Variants in PRAC2 observed in about 807,000 individuals in gnomAD.
The protein encoded by PRAC2 is protein PRAC2.
For missense variants in PRAC2, 92 were observed against 114.5 expected, an observed-to-expected ratio of 0.80 and a Z score of 0.90; for synonymous variants, 43 against 49.5, an observed-to-expected ratio of 0.87 and a Z score of 0.55.
upstream of PRAC2, among the ~76,000 whole-genome samples, chr17:48,719,813 G>A (rs181484268): frequency 7.2e-5 from 11 of 152,300 alleles, no homozygotes; most frequent in Admixed American, 2.6e-4. Flanking sequence ...TTCCCCGGAA[G>A]GCAAGGATTG....
upstream of PRAC2, among the ~76,000 whole-genome samples, chr17:48,721,183 C>T (rs1465142099): frequency 6.6e-6 from 1 of 152,140 alleles, no homozygotes; most frequent in Non-Finnish European, 1.5e-5. Context: ...TGGTCCCCAG[C>T]CTGCTTCTGT....
At chr17:48,723,920 C>A in intron 1 of PRAC2, 2 of 593,988 alleles carry the variant, frequency 3.4e-6, no homozygotes, top group South Asian at 9.0e-5. Context: ...CTGAGAGATT[C>A]GCTGCGGGAG....
upstream of PRAC2, chr17:48,721,797 G>C: frequency 6.5e-7 from 1 of 1,537,594 alleles, no homozygotes; most frequent in Non-Finnish European, 8.8e-7. Context: ...TGGAACTCCT[G>C]TGCTCAAGGA....
chr17:48,723,629 G>A, intron 1 of PRAC2: 3 of 1,058,232 alleles, frequency 2.8e-6, no homozygotes, highest in Non-Finnish European at 3.6e-6. Context: ...TGCAGGGAAG[G>A]CGGGGCGGAT....
chr17:48,723,707 G>A (rs2038171866), intron 1 of PRAC2: 1 of 1,231,654 alleles, frequency 8.1e-7, no homozygotes, highest in African/African-American at 1.6e-5. Flanking sequence ...CCCGAAAGAT[G>A]GAGCCTCAGG....
At chr17:48,719,210 CAA>C (rs1491172706), upstream of PRAC2, among the ~76,000 whole-genome samples, 282 of 107,808 alleles carry the variant, frequency 2.6e-3, 1 homozygote, top group African/African-American at 8.4e-3. Context: ...CGCTCGCACA[CAA>C]ACACACACAC....
At chr17:48,722,283 C>G, upstream of PRAC2, 1 of 1,559,056 alleles carries the variant, frequency 6.4e-7, no homozygotes, top group South Asian at 1.1e-5. Flanking sequence ...CTGAGCGATC[C>G]GTCGATAACG....
In PRAC2 at chr17:48,724,568, G is replaced by C; in HGVS notation, c.158G>C (p.Arg53Pro). ...HLPMPWPNGRRHRVLDPHTQL... is the reference protein window; with the variant it reads ...HLPMPWPNGRPHRVLDPHTQL... ...CCGATGCCCTGGCCGAATGGCAGGC[G>C]ACATCGGGTCCTGGACCCCCACACG... The change falls in exon 2 of 2, where the codon CGA becomes CCA. Residue 53 changes from arginine to proline, a missense_variant. Coordinates refer to ENST00000422730, the MANE Select transcript of PRAC2 (RefSeq NM_001282275.2). The C allele has an allele frequency of 1.6e-6, 2 of 1,232,148 alleles. No individual in the cohort carries two copies. The highest frequency in any genetic ancestry group is 8.2e-5 in the South Asian group (2 of 24,316). 76.3% of individuals were successfully genotyped at this position (1,232,148 alleles called of 1,614,324 possible). A position where few individuals can be genotyped will look rare whatever the true frequency, so the allele number is the denominator to read the frequency against.
upstream of PRAC2, among the ~76,000 whole-genome samples, chr17:48,718,751 G>C (rs1009333654): frequency 6.6e-6 from 1 of 152,166 alleles, no homozygotes; most frequent in Non-Finnish European, 1.5e-5. Flanking sequence ...GCGAAGGCCT[G>C]GGGATCGCAA....
chr17:48,719,847 G>A (rs1017287560), upstream of PRAC2, among the ~76,000 whole-genome samples: 3 of 152,108 alleles, frequency 2.0e-5, no homozygotes, highest in Non-Finnish European at 2.9e-5. Flanking sequence ...AAAGCCGCGC[G>A]AGGCCCGGTT....
chr17:48,722,156 C>T (rs2038152078), upstream of PRAC2, among the ~76,000 whole-genome samples: 1 of 152,096 alleles, frequency 6.6e-6, no homozygotes, highest in Non-Finnish European at 1.5e-5. Flanking sequence ...TAGGTGCTCC[C>T]GCCAGGTGGT....
At chr17:48,723,660 G>T in intron 1 of PRAC2, 2 of 1,221,904 alleles carry the variant, frequency 1.6e-6, no homozygotes, top group East Asian at 3.2e-5. Flanking sequence ...CGGCGGCCTC[G>T]CAGGGTTCCC....
rs1194259452 is a variant in PRAC2 at position 48,724,568 on chromosome 17, G to A, written c.158G>A (p.Arg53Gln). 4.9e-6 allele frequency: 6 copies of A among 1,232,030 alleles called. No homozygotes were observed. The highest frequency in any genetic ancestry group is 6.1e-6 in the Non-Finnish European group (6 of 987,956). The allele number at this position is 1,232,030 out of a possible 1,614,324, so 76.3% of individuals were successfully genotyped here. ...HLPMPWPNGRRHRVLDPHTQL... is the reference protein window; with the variant it reads ...HLPMPWPNGRQHRVLDPHTQL... The stretch of plus-strand genomic sequence containing the variant: ...CCGATGCCCTGGCCGAATGGCAGGC[G>A]ACATCGGGTCCTGGACCCCCACACG... Residue 53 changes from arginine (R) to glutamine (Q), a missense_variant, in exon 2 of 2, where the codon CGA becomes CAA. By Grantham distance (43) the Arg-to-Gln change is conservative (BLOSUM62 1). Transcript: ENST00000422730.
At chr17:48,723,828 A>C in intron 1 of PRAC2, 1 of 1,159,836 alleles carries the variant, frequency 8.6e-7, no homozygotes, top group Non-Finnish European at 1.1e-6. Flanking sequence ...GGCCTAATAA[A>C]ATCCACTTGC....
At chr17:48,722,395 C>T (rs774958586), upstream of PRAC2, 7 of 1,613,934 alleles carry the variant, frequency 4.3e-6, no homozygotes, top group African/African-American at 1.3e-5. Flanking sequence ...CACAACATCG[C>T]TGTTCTCTCT....
intron 1 of PRAC2, chr17:48,723,642 T>C (rs1008251113): frequency 2.8e-5 from 33 of 1,161,556 alleles, no homozygotes; most frequent in Admixed American, 8.5e-5. Flanking sequence ...GGGCGGATTC[T>C]CGGCTGGCGG....
At chr17:48,719,476 C>T (rs2038125081), upstream of PRAC2, among the ~76,000 whole-genome samples, 1 of 152,138 alleles carries the variant, frequency 6.6e-6, no homozygotes, top group African/African-American at 2.4e-5. Flanking sequence ...AGCCAGGGAT[C>T]GGATAGCGCG....
rs1332305386 is a variant in PRAC2, at chr17:48,724,685, C to T, written c.*2C>T. The T allele has an allele frequency of 9.7e-6, 12 of 1,231,110 alleles. No homozygotes were observed. The highest frequency in any genetic ancestry group is 1.2e-5 in the Non-Finnish European group (12 of 987,142). 76.3% of individuals were successfully genotyped at this position (1,231,110 alleles called of 1,614,324 possible). On this transcript the variant is annotated 3_prime_UTR_variant, in exon 2 of 2. Coordinates refer to ENST00000422730, the MANE Select transcript of PRAC2 (RefSeq NM_001282275.2). ...CCGCAGGTTCTCCTGGAGTGGTGAG[C>T]CTCTGTCGGAAGGGGGCGCCCACGT...
intron 1 of PRAC2, 51 bp downstream of exon 1, chr17:48,723,364 A>G (rs2038166399): frequency 3.9e-6 from 1 of 254,620 alleles, no homozygotes; most frequent in Non-Finnish European, 7.4e-6. Context: ...GATTTCTATT[A>G]GACAGGACGG....
Sources: allele counts gnomAD v4.1 joint callset (sites outside exome capture counted in the v4.1 genomes callset), GRCh38; gene constraint gnomAD v4.1.1; transcripts MANE v1.5; gene names NCBI Gene and HGNC (gene_info 2026-07-23, HGNC 2026-07-21).